Variants in UFD1 observed in about 807,000 individuals in gnomAD.
UFD1 encodes the protein ubiquitin recognition factor in ER associated degradation 1, also known as ubiquitin recognition factor in ER-associated degradation protein 1.
A neutral mutation model predicts 45.9 loss-of-function variants in UFD1; 13 were observed. The ratio of observed to expected loss-of-function variants is 0.28; its 90% confidence interval spans 0.18 to 0.45. The LOEUF (loss-of-function observed/expected upper bound fraction) is 0.45, where lower values mean the gene tolerates loss of function less well. Ranked by LOEUF, UFD1 falls within the 20% of genes least tolerant of loss-of-function variation. UFD1 has a pLI of 1.00. For synonymous variants in UFD1, 128 were observed against 139.2 expected, an observed-to-expected ratio of 0.92 and a Z score of 0.56; for missense variants, 218 against 389.2, an observed-to-expected ratio of 0.56 and a Z score of 3.70.
chr22:19,469,863 G>T, intron 4 of UFD1: 1 of 499,840 alleles, frequency 2.0e-6, no homozygotes, highest in Non-Finnish European at 4.0e-6. Context: ...AGGGGAGAAA[G>T]GGTTCAATTA....
rs562029989 is a variant in UFD1, at chr22:19,458,639, C to T, written c.496-500G>A. ...TTGTATTGTTGTAGAGATGGGGTTT[C>T]ACCATGTTGGCCAGGCTGGTCTCGA... On this transcript the variant is annotated intron_variant, in intron 6 of 11. Coordinates refer to ENST00000263202, the MANE Select transcript of UFD1 (RefSeq NM_005659.7). Among the ~76,000 whole-genome samples, 3 of 152,256 alleles carry T rather than the reference C, an allele frequency of 2.0e-5. No homozygotes were observed. The South Asian group carries it at 6.2e-4, about 32-fold the overall frequency.
chr22:19,467,708 G>A (rs947084267), intron 5 of UFD1, 165 bp downstream of exon 5: 111 of 1,278,136 alleles, frequency 8.7e-5, no homozygotes, highest in Non-Finnish European at 1.1e-4. Flanking sequence ...CTTGGCCAGG[G>A]CCACGCAGAT....
Position 19,478,978 on chromosome 22 carries a change from T to A in UFD1, c.3+105A>T, listed in dbSNP as rs2089920892. 4 of 1,461,442 alleles carry A rather than the reference T, an allele frequency of 2.7e-6. No homozygotes were observed. The Admixed American group carries it at 9.5e-5, about 35-fold the overall frequency. 90.5% of individuals were successfully genotyped at this position (1,461,442 alleles called of 1,614,324 possible). A position where few individuals can be genotyped will look rare whatever the true frequency, so the allele number is the denominator to read the frequency against. Reference sequence around the variant, plus strand: ...CCTGCAGGCCGGACTCAGGCCCGGGTGACTCGGCACCTCCGCCGCCGTCCC... The same window carrying A: ...CCTGCAGGCCGGACTCAGGCCCGGGAGACTCGGCACCTCCGCCGCCGTCCC... On this transcript the variant is annotated intron_variant, in intron 1 of 11. Transcript: ENST00000263202.
chr22:19,468,712 G>A (rs1402612676), intron 4 of UFD1, among the ~76,000 whole-genome samples: 4 of 152,114 alleles, frequency 2.6e-5, no homozygotes, highest in South Asian at 2.1e-4. Flanking sequence ...AGAAAGAGCC[G>A]TAGAAGAGAG....
intron 5 of UFD1, 62 bp from the exon 6 acceptor site, chr22:19,465,336 C>A: frequency 6.9e-7 from 1 of 1,444,786 alleles, no homozygotes; most frequent in South Asian, 1.1e-5. Context: ...AAACAAGTTT[C>A]CATGTTAGAT....
rs748367702 is a variant in UFD1, at chr22:19,475,498, G to A, written c.108C>T (p.Asp36=). 3 of 1,614,060 alleles carry A rather than the reference G, an allele frequency of 1.9e-6. No individual in the cohort carries two copies. The highest frequency in any genetic ancestry group is 2.2e-5 in the South Asian group (2 of 91,080). ...TCCCTCCTTTCTCCACATCTGACCTGTCATTAGGCCCTGCTAGCATGGACA... is the reference window on the plus strand; with the variant it reads ...TCCCTCCTTTCTCCACATCTGACCTATCATTAGGCCCTGCTAGCATGGACA... ...FSVSMLAGPN[D]RSDVEKGGKI... is the part of the protein sequence containing the mutation. Residue 36 remains aspartate, a synonymous_variant, in exon 2 of 12, where the codon GAC becomes GAT. Transcript: ENST00000263202.
intron 7 of UFD1, among the ~76,000 whole-genome samples, chr22:19,457,688 G>C (rs1379012915): frequency 6.6e-6 from 1 of 152,126 alleles, no homozygotes; most frequent in Admixed American, 6.5e-5. Flanking sequence ...GCACATGCCT[G>C]TAATCCCAGC....
intron 11 of UFD1, chr22:19,453,137 G>C: frequency 1.0e-6 from 1 of 985,348 alleles, no homozygotes; most frequent in Non-Finnish European, 1.2e-6. Flanking sequence ...CTTCTGGGAT[G>C]GGGGAGGGAG....
At chr22:19,455,256 A>G (rs927805808) in intron 10 of UFD1, among the ~76,000 whole-genome samples, 3 of 152,236 alleles carry the variant, frequency 2.0e-5, no homozygotes, top group Non-Finnish European at 4.4e-5. Flanking sequence ...CAGCAACAGA[A>G]GCACATCTGA....
intron 2 of UFD1, among the ~76,000 whole-genome samples, 164 bp downstream of exon 2, chr22:19,475,306 T>G (rs1014321941): frequency 1.3e-5 from 2 of 152,118 alleles, no homozygotes; most frequent in Admixed American, 6.5e-5. Context: ...CTAACCATAA[T>G]TAGCACCCCA....
Position 19,475,067 on chromosome 22 carries a change from C to T in UFD1, c.169+1G>A. On this transcript the variant is annotated splice_donor_variant, in intron 3 of 11. Transcript: ENST00000263202. LOFTEE classifies it high-confidence loss of function. Reference sequence around the variant, plus strand: ...CCTTAAGTCACTCAGAAGATACTTACTGAGTTGGTCCAGGGCCGAGGGTGG... The same window carrying T: ...CCTTAAGTCACTCAGAAGATACTTATTGAGTTGGTCCAGGGCCGAGGGTGG... 1 of 1,609,386 alleles carries T rather than the reference C, an allele frequency of 6.2e-7. No individual in the cohort carries two copies. The highest frequency in any genetic ancestry group is 8.5e-7 in the Non-Finnish European group (1 of 1,178,486).
intron 3 of UFD1, 145 bp from the exon 4 acceptor site, chr22:19,471,953 C>T: frequency 8.7e-7 from 1 of 1,148,686 alleles, no homozygotes; most frequent in Non-Finnish European, 1.2e-6. Context: ...TGTGAGAGCA[C>T]AGTGCACGGC....
At chr22:19,463,804 A>G (rs1013335169) in intron 6 of UFD1, among the ~76,000 whole-genome samples, 2 of 152,214 alleles carry the variant, frequency 1.3e-5, no homozygotes, top group African/African-American at 4.8e-5. Flanking sequence ...TAGAGGATCT[A>G]GTTTTCCCTA....
intron 4 of UFD1, among the ~76,000 whole-genome samples, chr22:19,468,570 TAAAC>T (rs1257443802): frequency 6.6e-6 from 1 of 152,084 alleles, no homozygotes; most frequent in Admixed American, 6.5e-5. Flanking sequence ...CGGAAAGAGA[TAAAC>T]AATGCCCATG....
chr22:19,452,054 C>G, intron 11 of UFD1: 1 of 577,840 alleles, frequency 1.7e-6, no homozygotes, highest in African/African-American at 2.0e-5. Context: ...TTTCTAATCT[C>G]ATATTTCATT....
At chr22:19,459,763 G>A (rs2089751731) in intron 6 of UFD1, among the ~76,000 whole-genome samples, 1 of 135,522 alleles carries the variant, frequency 7.4e-6, no homozygotes, top group Non-Finnish European at 1.5e-5. Context: ...TTTCGAGATG[G>A]AGGCTCGCTC....
intron 11 of UFD1, chr22:19,453,207 G>T: frequency 1.0e-6 from 1 of 981,632 alleles, no homozygotes; most frequent in Non-Finnish European, 1.2e-6. Flanking sequence ...CATTTCTAGA[G>T]GTGCCTTTTG....
chr22:19,455,584 C>A, intron 10 of UFD1, 96 bp downstream of exon 10: 1 of 1,172,964 alleles, frequency 8.5e-7, no homozygotes. Context: ...ACTACTGACC[C>A]AGGCTTTGTC....
chr22:19,450,895 G>A (rs2089676617), intron 11 of UFD1, 151 bp from the exon 12 acceptor site: 2 of 1,470,784 alleles, frequency 1.4e-6, no homozygotes, highest in Non-Finnish European at 1.8e-6. Flanking sequence ...CAGCACTTTA[G>A]GAGGCCTAGG....
Sources: gnomAD v4.1 joint callset for allele counts (sites outside exome capture counted in the v4.1 genomes callset) on GRCh38, gnomAD v4.1.1 for gene constraint, MANE v1.5 for transcripts, NCBI Gene and HGNC (gene_info 2026-07-23, HGNC 2026-07-21) for gene names.